Variants in TTC33 observed in about 807,000 individuals in gnomAD.
The protein encoded by TTC33 is tetratricopeptide repeat protein 33.
Under a neutral mutation model 29.4 loss-of-function variants are expected in TTC33, and 24 were observed. The observed-to-expected ratio is 0.82, with a 90% confidence interval of 0.59 to 1.15. The LOEUF (loss-of-function observed/expected upper bound fraction) is 1.15. Ranked by LOEUF, TTC33 falls within the 50% of genes most tolerant of loss-of-function variation. The probability of loss-of-function intolerance (pLI) is 0.00; values close to 1 mark genes in which losing one functional copy is unlikely to be tolerated. For synonymous variants in TTC33, 107 were observed against 100.3 expected, an observed-to-expected ratio of 1.07 and a Z score of -0.40; for missense variants, 286 against 310.4, an observed-to-expected ratio of 0.92 and a Z score of 0.59.
intron 1 of TTC33, among the ~76,000 whole-genome samples, chr5:40,753,932 G>A (rs984009675): frequency 1.8e-4 from 27 of 151,598 alleles, no homozygotes; most frequent in African/African-American, 6.1e-4. Flanking sequence ...AAAAAAAACC[G>A]TTGATCAGAT....
chr5:40,753,562 T>G (rs1742935218), intron 1 of TTC33, among the ~76,000 whole-genome samples: 1 of 152,120 alleles, frequency 6.6e-6, no homozygotes, highest in Non-Finnish European at 1.5e-5. Context: ...TTTCCCATGT[T>G]TGAAGATGAC....
intron 4 of TTC33, among the ~76,000 whole-genome samples, chr5:40,722,210 G>A (rs112617557): frequency 9.2e-5 from 14 of 151,620 alleles, no homozygotes; most frequent in South Asian, 4.3e-4. Flanking sequence ...GTCTCAACTC[G>A]CTCACTCAGT....
chr5:40,752,714 A>G (rs1742916778), intron 1 of TTC33, among the ~76,000 whole-genome samples: 1 of 152,234 alleles, frequency 6.6e-6, no homozygotes, highest in Non-Finnish European at 1.5e-5. Context: ...ACCATAACAG[A>G]TATAGTAATA....
chr5:40,718,689 G>A lies in TTC33; in HGVS notation c.436-2191C>T, dbSNP rs144423742. Among the ~76,000 whole-genome samples, 762 of 152,012 alleles carry A rather than the reference G, an allele frequency of 5.0e-3. 4 individuals are homozygous for A. Among genetic ancestry groups the A allele is most frequent in the African/African-American group, 0.016 (666 of 41,466 alleles). ...GGAGGCAGAGGTTGCAGTGAGCCGA[G>A]ATTGCACCACCGCACTTCAGCCTGG... On this transcript the variant is annotated intron_variant, in intron 4 of 4. Coordinates refer to ENST00000337702, the MANE Select transcript of TTC33 (RefSeq NM_012382.3).
chr5:40,739,243 C>G (rs1457391694), intron 2 of TTC33, among the ~76,000 whole-genome samples: 1 of 152,186 alleles, frequency 6.6e-6, no homozygotes, highest in Admixed American at 6.5e-5. Context: ...AGATTCTTTG[C>G]ATTTCCACAT....
intron 1 of TTC33, among the ~76,000 whole-genome samples, chr5:40,754,628 T>A (rs1424117502): frequency 2.0e-5 from 3 of 152,214 alleles, no homozygotes; most frequent in Admixed American, 2.0e-4. Context: ...AGTTTTATAT[T>A]TTCTTCAAAA....
intron 1 of TTC33, among the ~76,000 whole-genome samples, chr5:40,747,354 G>A (rs74293598): frequency 0.024 from 3,716 of 152,112 alleles, 53 homozygotes; most frequent in East Asian, 0.064. Flanking sequence ...CACCACGCCC[G>A]GCCCAAAACT....
intron 3 of TTC33, 82 bp downstream of exon 3, chr5:40,730,180 C>A: frequency 9.8e-7 from 1 of 1,018,808 alleles, no homozygotes; most frequent in African/African-American, 1.6e-5. Flanking sequence ...GGAGAAAATG[C>A]TATTTTGCTT....
rs201413319 is a variant in TTC33 at position 40,730,337 on chromosome 5, C to T, written c.228G>A (p.Arg76=). 6.2e-7 allele frequency: 1 copy of T among 1,612,294 alleles called. No homozygotes were observed. The highest frequency in any genetic ancestry group is 1.3e-5 in the African/African-American group (1 of 74,926). ...CTTCATCCCACTTCTGAATTGCCTC[C>T]CGATATCTGTGGTTGTTAAAGTTAT... ...GASLAENKRY[R]EAIQKWDEAL... The change falls in exon 3 of 5, where the codon CGG becomes CGA. Residue 76 remains arginine (R), a synonymous_variant. Coordinates refer to ENST00000337702, the MANE Select transcript of TTC33 (RefSeq NM_012382.3).
At chr5:40,745,523 T>C (rs1364104799) in intron 2 of TTC33, among the ~76,000 whole-genome samples, 1 of 151,946 alleles carries the variant, frequency 6.6e-6, no homozygotes, top group Non-Finnish European at 1.5e-5. Context: ...GAGATTGTCC[T>C]ATTCTTTTGT....
At chr5:40,751,367 C>A (rs1368899514) in intron 1 of TTC33, among the ~76,000 whole-genome samples, 3 of 152,172 alleles carry the variant, frequency 2.0e-5, no homozygotes, top group Admixed American at 6.5e-5. Flanking sequence ...ATGAGCAGGT[C>A]TCAATAGTGG....
At chr5:40,752,825 C>T (rs1486857983) in intron 1 of TTC33, among the ~76,000 whole-genome samples, 1 of 152,140 alleles carries the variant, frequency 6.6e-6, no homozygotes, top group African/African-American at 2.4e-5. Context: ...ACTTGCTGGA[C>T]ACAGGGTTAC....
chr5:40,727,644 G>C (rs1742318010), intron 4 of TTC33, among the ~76,000 whole-genome samples: 1 of 152,106 alleles, frequency 6.6e-6, no homozygotes, highest in Non-Finnish European at 1.5e-5. Flanking sequence ...TCCTTCCCCT[G>C]TATAATCTAT....
chr5:40,728,054 G>A (rs565819910), intron 4 of TTC33, among the ~76,000 whole-genome samples: 2 of 152,084 alleles, frequency 1.3e-5, no homozygotes, highest in African/African-American at 4.8e-5. Context: ...GGCCGAGGCT[G>A]GAGAATCATT....
In TTC33 at chr5:40,713,911, A is replaced by G. The variant is rs1741947396; in HGVS notation, c.*2234T>C. On this transcript the variant is annotated 3_prime_UTR_variant, in exon 5 of 5. Coordinates refer to ENST00000337702, the MANE Select transcript of TTC33 (RefSeq NM_012382.3). ...TGGGTGCATTTTTCTCTTCACGCAT[A>G]GAAGAGTATGAGCTAAAATAAGCAT... Among the ~76,000 whole-genome samples the G allele has an allele frequency of 6.6e-6, 1 of 152,234 alleles. No individual in the cohort carries two copies. Among genetic ancestry groups the G allele is most frequent in the South Asian group, 2.1e-4 (1 of 4,832 alleles).
chr5:40,730,364 T>G (rs1265212371), intron 2 of TTC33, 21 bp from the exon 3 acceptor site: 1 of 1,592,322 alleles, frequency 6.3e-7, no homozygotes, highest in Non-Finnish European at 8.6e-7. Flanking sequence ...TAAAGTTATA[T>G]CAATGCCATA....
chr5:40,724,598 A>T (rs1283689633), intron 4 of TTC33, among the ~76,000 whole-genome samples: 5 of 151,990 alleles, frequency 3.3e-5, no homozygotes, highest in Non-Finnish European at 7.4e-5. Context: ...ACACCAGTGC[A>T]CTCCAGCCTG....
intron 1 of TTC33, among the ~76,000 whole-genome samples, chr5:40,747,474 C>T (rs905855024): frequency 6.6e-6 from 1 of 152,100 alleles, no homozygotes; most frequent in Non-Finnish European, 1.5e-5. Flanking sequence ...TCATCAATGG[C>T]CACTAACATC....
chr5:40,738,531 A>C (rs1357756725), intron 2 of TTC33, among the ~76,000 whole-genome samples: 2 of 135,068 alleles, frequency 1.5e-5, no homozygotes, highest in Non-Finnish European at 3.2e-5. Context: ...ATAAAATACA[A>C]TAAAATACAA....
Sources: allele counts gnomAD v4.1 joint callset (sites outside exome capture counted in the v4.1 genomes callset), GRCh38; gene constraint gnomAD v4.1.1; transcripts MANE v1.5; gene names NCBI Gene and HGNC (gene_info 2026-07-23, HGNC 2026-07-21).